The following MACROD2 variants were observed in gnomAD, a reference collection of about 807,000 sequenced individuals.
MACROD2 encodes mono-ADP ribosylhydrolase 2, also known as ADP-ribose glycohydrolase MACROD2.
In MACROD2, 36 loss-of-function variants were observed where a neutral mutation model predicts 70.4. The ratio of observed to expected loss-of-function variants is 0.51; its 90% CI spans 0.39 to 0.68. MACROD2 has a LOEUF of 0.68. Among genes scored for constraint, MACROD2 ranks in the 30% least tolerant of loss-of-function variants. MACROD2 has a pLI of 0.00. For synonymous variants in MACROD2, 172 were observed against 178.8 expected (o/e 0.96, Z 0.30); for missense variants, 496 against 538.4 (o/e 0.92, Z 0.78).
intron 8 of MACROD2, among the ~76,000 whole-genome samples, chr20:15,771,131 G>C (rs1481368830): frequency 1.3e-5 from 2 of 152,094 alleles, no homozygotes; most frequent in Non-Finnish European, 2.9e-5. Flanking sequence ...ATCAAAATCA[G>C]GCAGCAGGGA....
At chr20:14,994,687 AAT>A (rs1410826135) in intron 5 of MACROD2, among the ~76,000 whole-genome samples, 1 of 152,208 alleles carries the variant, frequency 6.6e-6, no homozygotes, top group Non-Finnish European at 1.5e-5. Context: ...CCAGCACACC[AAT>A]ATCTCTCACT....
At chr20:14,910,539 C>T (rs1431640580) in intron 5 of MACROD2, among the ~76,000 whole-genome samples, 3 of 152,276 alleles carry the variant, frequency 2.0e-5, no homozygotes, top group East Asian at 1.9e-4. Flanking sequence ...GTTGAGAGCC[C>T]GAGAAGGGGC....
At chr20:15,605,285 T>C (rs979368526) in intron 8 of MACROD2, among the ~76,000 whole-genome samples, 8 of 152,344 alleles carry the variant, frequency 5.3e-5, no homozygotes, top group African/African-American at 1.9e-4. Flanking sequence ...CTGAGCACTC[T>C]TGACTCTCCT....
chr20:14,698,026 T>C (rs2071146914), intron 5 of MACROD2, among the ~76,000 whole-genome samples: 1 of 152,194 alleles, frequency 6.6e-6, no homozygotes, highest in African/African-American at 2.4e-5. Context: ...GGTGCTTTGC[T>C]TATTTTTTTG....
rs73273434 is a variant in MACROD2 at position 14,114,240 on chromosome 20, T to C, written c.271+28512T>C. ...TGCCTCTCACAGCTCACATTCTGAC[T>C]CTGTTTGGAATTCCCAAGGATGAGT... On this transcript the variant is annotated intron_variant, in intron 3 of 17. Coordinates refer to ENST00000684519, the MANE Select transcript of MACROD2 (RefSeq NM_001351661.2). 1.6e-3 allele frequency among the ~76,000 whole-genome samples: 244 copies of C among 152,238 alleles called. 1 individual carries two copies. Among genetic ancestry groups the C allele is most frequent in the African/African-American group, 5.5e-3 (229 of 41,570 alleles).
intron 4 of MACROD2, among the ~76,000 whole-genome samples, chr20:14,515,237 A>G (rs998944142): frequency 5.3e-5 from 8 of 152,076 alleles, no homozygotes; most frequent in African/African-American, 1.9e-4. Flanking sequence ...AATCGAAAAA[A>G]ATCCACTTAA....
At chr20:14,733,804 A>T (rs1009422177) in intron 5 of MACROD2, among the ~76,000 whole-genome samples, 15 of 152,162 alleles carry the variant, frequency 9.9e-5, no homozygotes, top group African/African-American at 3.6e-4. Context: ...TCCAAGGCTG[A>T]TGTTGACCTG....
intron 5 of MACROD2, among the ~76,000 whole-genome samples, chr20:15,143,774 T>C (rs1235174022): frequency 6.6e-6 from 1 of 151,882 alleles, no homozygotes; most frequent in East Asian, 1.9e-4. Context: ...TTTTCTTTTT[T>C]ATTGTTAGTA....
At chr20:14,194,036 T>TA (rs576085665) in intron 3 of MACROD2, among the ~76,000 whole-genome samples, 4 of 152,238 alleles carry the variant, frequency 2.6e-5, no homozygotes, top group Middle Eastern at 3.4e-3. Flanking sequence ...GTTAAATTGT[T>TA]AAAGGGGTTC....
chr20:14,409,545 C>T (rs1379951680), intron 3 of MACROD2, among the ~76,000 whole-genome samples: 1 of 151,882 alleles, frequency 6.6e-6, no homozygotes, highest in African/African-American at 2.4e-5. Flanking sequence ...GATTGAAATC[C>T]ATGTCTATCT....
At chr20:15,373,989 A>G (rs2045527788) in intron 6 of MACROD2, among the ~76,000 whole-genome samples, 1 of 151,446 alleles carries the variant, frequency 6.6e-6, no homozygotes. Flanking sequence ...TGATTTGTTT[A>G]TTGTTTGTTT....
intron 6 of MACROD2, among the ~76,000 whole-genome samples, chr20:15,252,829 AT>A (rs1347526115): frequency 6.6e-6 from 1 of 152,158 alleles, no homozygotes; most frequent in Non-Finnish European, 1.5e-5. Flanking sequence ...ACACCATGGC[AT>A]CCACAGACTC....
chr20:14,382,904 G>A (rs1249563923), intron 3 of MACROD2, among the ~76,000 whole-genome samples: 1 of 151,862 alleles, frequency 6.6e-6, no homozygotes, highest in Non-Finnish European at 1.5e-5. Context: ...GCATTTAACT[G>A]TCGTAAAAGA....
At chr20:15,981,811 T>C (rs2066404399) in intron 13 of MACROD2, among the ~76,000 whole-genome samples, 1 of 152,164 alleles carries the variant, frequency 6.6e-6, no homozygotes, top group Admixed American at 6.6e-5. Context: ...GAGGGGTTTG[T>C]GATGACTAAT....
chr20:15,258,574 T>C (rs2077220351), intron 6 of MACROD2, among the ~76,000 whole-genome samples: 1 of 152,082 alleles, frequency 6.6e-6, no homozygotes, highest in Non-Finnish European at 1.5e-5. Flanking sequence ...AGCCTAGGTA[T>C]GTAGTAGGCT....
chr20:15,823,028 A>G (rs1291530507), intron 8 of MACROD2, among the ~76,000 whole-genome samples: 1 of 152,218 alleles, frequency 6.6e-6, no homozygotes, highest in Non-Finnish European at 1.5e-5. Flanking sequence ...CTATTATAGC[A>G]GAGAATGGCT....
chr20:14,617,838 T>C (rs969198118), intron 4 of MACROD2, among the ~76,000 whole-genome samples: 1 of 152,122 alleles, frequency 6.6e-6, no homozygotes, highest in Non-Finnish European at 1.5e-5. Flanking sequence ...CTTTTCCAAA[T>C]TCCTTCAGGC....
intron 4 of MACROD2, among the ~76,000 whole-genome samples, chr20:14,499,636 G>A (rs2084894632): frequency 1.3e-5 from 2 of 152,058 alleles, no homozygotes; most frequent in South Asian, 2.1e-4. Context: ...AGGAAGAAGA[G>A]GGAAGGTGGT....
chr20:15,781,078 A>T (rs1304116440), intron 8 of MACROD2, among the ~76,000 whole-genome samples: 2 of 152,182 alleles, frequency 1.3e-5, no homozygotes, highest in Non-Finnish European at 2.9e-5. Flanking sequence ...TAAGTTTAAA[A>T]TTTTTGAGTG....
Sources: allele counts gnomAD v4.1 joint callset (sites outside exome capture counted in the v4.1 genomes callset), GRCh38; gene constraint gnomAD v4.1.1; transcripts MANE v1.5; gene names NCBI Gene and HGNC (gene_info 2026-07-23, HGNC 2026-07-21).